The following DNER variants were observed in gnomAD, a reference collection of about 807,000 sequenced individuals.
DNER encodes the protein delta and Notch-like epidermal growth factor-related receptor.
A neutral mutation model predicts 78.2 loss-of-function variants in DNER; 33 were observed. The observed-to-expected ratio is 0.42, with a 90% confidence interval of 0.32 to 0.56. The LOEUF is 0.56. Ranked by LOEUF, DNER falls within the 20% of genes least tolerant of loss-of-function variation. The pLI, the probability that DNER is intolerant of heterozygous loss-of-function variation, is 0.11. For synonymous variants in DNER, 417 were observed against 384.8 expected (o/e 1.08, Z -0.98); for missense variants, 918 against 975.3 (o/e 0.94, Z 0.78).
intron 4 of DNER, among the ~76,000 whole-genome samples, chr2:229,549,743 T>G (rs1291525813): frequency 5.9e-5 from 9 of 151,936 alleles, no homozygotes; most frequent in Admixed American, 5.9e-4. Flanking sequence ...AACCCCCATC[T>G]CTACTAAAAA....
chr2:229,475,602 G>T (rs57580439), intron 7 of DNER, among the ~76,000 whole-genome samples: 18,943 of 152,186 alleles, frequency 0.12, 1,326 homozygotes, highest in South Asian at 0.2. Flanking sequence ...CACAGTGCCT[G>T]GTATACGTAA....
At chr2:229,416,304 T>G (rs1349225182) in intron 9 of DNER, among the ~76,000 whole-genome samples, 2 of 152,208 alleles carry the variant, frequency 1.3e-5, no homozygotes, top group African/African-American at 4.8e-5. Context: ...TTAGAGCTGT[T>G]GTTGCAATTT....
chr2:229,691,961 T>C (rs74871151), intron 1 of DNER, among the ~76,000 whole-genome samples: 27 of 152,218 alleles, frequency 1.8e-4, no homozygotes, highest in Non-Finnish European at 3.1e-4. Flanking sequence ...GCAATATGAA[T>C]AGTGTGAACC....
intron 1 of DNER, among the ~76,000 whole-genome samples, chr2:229,648,034 A>G (rs988298726): frequency 1.1e-4 from 17 of 152,188 alleles, no homozygotes; most frequent in African/African-American, 4.1e-4. Context: ...ACACTTTTAT[A>G]TCATTAGCCT....
intron 1 of DNER, among the ~76,000 whole-genome samples, chr2:229,622,551 C>T (rs944016229): frequency 6.6e-6 from 1 of 151,694 alleles, no homozygotes; most frequent in East Asian, 1.9e-4. Flanking sequence ...TTAGGAGCCA[C>T]GGACTGTGTT....
chr2:229,654,873 T>A (rs1284208297), intron 1 of DNER, among the ~76,000 whole-genome samples: 6 of 152,154 alleles, frequency 3.9e-5, no homozygotes, highest in African/African-American at 1.4e-4. Context: ...TTACTTTTCA[T>A]CAGTCAAAAG....
intron 7 of DNER, among the ~76,000 whole-genome samples, chr2:229,457,361 A>G (rs1694598501): frequency 6.6e-6 from 1 of 152,100 alleles, no homozygotes. Context: ...AATATACATA[A>G]CAAGAGAACA....
At chr2:229,709,602 T>A (rs1462986475) in intron 1 of DNER, among the ~76,000 whole-genome samples, 2 of 152,194 alleles carry the variant, frequency 1.3e-5, no homozygotes, top group Non-Finnish European at 2.9e-5. Flanking sequence ...GACCACTGTT[T>A]CAAGTTAGCA....
intron 6 of DNER, among the ~76,000 whole-genome samples, chr2:229,481,718 A>T (rs1695161953): frequency 6.6e-6 from 1 of 152,314 alleles, no homozygotes; most frequent in South Asian, 2.1e-4. Context: ...TTCTCTGGGG[A>T]CTAAAGTAAC....
intron 6 of DNER, among the ~76,000 whole-genome samples, chr2:229,506,511 CT>C (rs199814647): frequency 0.05 from 4,877 of 97,854 alleles, 122 homozygotes; most frequent in Non-Finnish European, 0.073. Context: ...ATGCTATGGC[CT>C]TTTTTTTTCT....
chr2:229,374,841 T>G (rs1415639622), intron 11 of DNER, among the ~76,000 whole-genome samples: 3 of 146,462 alleles, frequency 2.0e-5, no homozygotes, highest in African/African-American at 8.3e-5. Context: ...TATAAAAAGT[T>G]AAGTATTATT....
intron 5 of DNER, among the ~76,000 whole-genome samples, chr2:229,520,257 A>G (rs142889249): frequency 2.0e-5 from 3 of 152,330 alleles, no homozygotes; most frequent in African/African-American, 4.8e-5. Context: ...GTTTGGCTGT[A>G]AGAGCATCAG....
intron 1 of DNER, among the ~76,000 whole-genome samples, chr2:229,666,456 A>C (rs1464640127): frequency 6.6e-6 from 1 of 152,238 alleles, no homozygotes; most frequent in African/African-American, 2.4e-5. Flanking sequence ...TTAAGAAGCT[A>C]AACTTAGAAC....
intron 1 of DNER, among the ~76,000 whole-genome samples, chr2:229,692,754 T>C (rs1046611627): frequency 2.0e-5 from 3 of 152,212 alleles, no homozygotes; most frequent in Non-Finnish European, 4.4e-5. Context: ...ATTCCACTGT[T>C]TCAATTCATT....
chr2:229,680,692 A>C (rs944534383), intron 1 of DNER, among the ~76,000 whole-genome samples: 2 of 152,198 alleles, frequency 1.3e-5, no homozygotes, highest in Non-Finnish European at 2.9e-5. Context: ...CAGAACATCC[A>C]CTTACTTTGT....
intron 1 of DNER, among the ~76,000 whole-genome samples, chr2:229,618,968 C>A (rs1162299009): frequency 6.6e-6 from 1 of 152,096 alleles, no homozygotes; most frequent in Non-Finnish European, 1.5e-5. Flanking sequence ...ACTCCCTCTA[C>A]ACCCACTCCT....
At chr2:229,391,745 G>A (rs1324035038) in intron 10 of DNER, among the ~76,000 whole-genome samples, 1 of 152,014 alleles carries the variant, frequency 6.6e-6, no homozygotes, top group Non-Finnish European at 1.5e-5. Flanking sequence ...GTTTCACCAT[G>A]TTGCCCAGGC....
intron 5 of DNER, among the ~76,000 whole-genome samples, chr2:229,517,888 G>T (rs1222001212): frequency 6.6e-6 from 1 of 152,178 alleles, no homozygotes; most frequent in Non-Finnish European, 1.5e-5. Context: ...CCTGATATAG[G>T]CTTTATAGGC....
intron 6 of DNER, among the ~76,000 whole-genome samples, chr2:229,490,063 C>A (rs559052739): frequency 6.6e-6 from 1 of 151,964 alleles, no homozygotes; most frequent in African/African-American, 2.4e-5. Flanking sequence ...GAGGAGAAAG[C>A]GGAGGAAGTG....
Sources: gnomAD v4.1 joint callset for allele counts (sites outside exome capture counted in the v4.1 genomes callset) on GRCh38, gnomAD v4.1.1 for gene constraint, MANE v1.5 for transcripts, NCBI Gene and HGNC (gene_info 2026-07-23, HGNC 2026-07-21) for gene names.